The following ADAMTS6 variants were observed in gnomAD, a reference collection of about 807,000 sequenced individuals.
The protein encoded by ADAMTS6 is A disintegrin and metalloproteinase with thrombospondin motifs 6.
In ADAMTS6, 23 loss-of-function variants were observed where a neutral mutation model predicts 144.3. That is an observed-to-expected ratio of 0.16 (90% CI 0.11 to 0.23). ADAMTS6 has a LOEUF of 0.23. Among genes scored for constraint, ADAMTS6 ranks in the 10% least tolerant of loss-of-function variants. The probability of loss-of-function intolerance (pLI) is 1.00; values close to 1 mark genes in which losing one functional copy is unlikely to be tolerated. For missense variants in ADAMTS6, 999 were observed against 1,379.6 expected (o/e 0.72, Z 4.37); for synonymous variants, 444 against 457.5 (o/e 0.97, Z 0.38).
At chr5:65,161,137 C>G (rs1752747124) in intron 24 of ADAMTS6, among the ~76,000 whole-genome samples, 1 of 152,094 alleles carries the variant, frequency 6.6e-6, no homozygotes, top group African/African-American at 2.4e-5. Flanking sequence ...CTCCCAAACT[C>G]AAGTGATCCT....
intron 7 of ADAMTS6, among the ~76,000 whole-genome samples, chr5:65,450,625 A>C (rs1737346780): frequency 6.6e-6 from 1 of 152,180 alleles, no homozygotes; most frequent in African/African-American, 2.4e-5. Flanking sequence ...ACTTATCTTA[A>C]AATAATTTAA....
At chr5:65,406,868 C>T (rs1317093684) in intron 7 of ADAMTS6, among the ~76,000 whole-genome samples, 3 of 151,746 alleles carry the variant, frequency 2.0e-5, no homozygotes, top group Non-Finnish European at 2.9e-5. Flanking sequence ...TGAATTTTGT[C>T]GAAGATCTTT....
At chr5:65,477,394 T>C (rs921724226) in intron 1 of ADAMTS6, among the ~76,000 whole-genome samples, 8 of 152,220 alleles carry the variant, frequency 5.3e-5, no homozygotes, top group African/African-American at 1.9e-4. Flanking sequence ...TTTTCTAGGT[T>C]TTGAAACTAC....
At chr5:65,210,625 G>A in intron 20 of ADAMTS6, 1 of 605,770 alleles carries the variant, frequency 1.7e-6, no homozygotes, top group Non-Finnish European at 3.0e-6. Flanking sequence ...AGCTATGGAT[G>A]GAGGCTTGTC....
At chr5:65,439,229 T>A (rs187625248) in intron 7 of ADAMTS6, among the ~76,000 whole-genome samples, 2,469 of 151,858 alleles carry the variant, frequency 0.016, 53 homozygotes, top group South Asian at 0.044. Flanking sequence ...ATAACGAGAG[T>A]TAGAATATCA....
At chr5:65,280,568 C>A (rs1762911515) in intron 11 of ADAMTS6, among the ~76,000 whole-genome samples, 2 of 152,226 alleles carry the variant, frequency 1.3e-5, no homozygotes, top group African/African-American at 4.8e-5. Flanking sequence ...CATTAATATA[C>A]TAGGAAACAT....
At position 65,460,180 on chromosome 5, in the gene ADAMTS6, A is replaced by G. The variant is rs371614740; in HGVS notation, c.621T>C (p.Cys207=). 1.3e-5 allele frequency: 21 copies of G among 1,613,820 alleles called. No homozygotes were observed. Among genetic ancestry groups the G allele is most frequent in the Non-Finnish European group, 4.2e-6 (5 of 1,179,942 alleles). ...QQRHLYDHSH[C]GVSDFTRSGK... ...TGCACACTCACTCACCCGAAACCCCACAATGAGAGTGATCATACAGATGTC... is the reference window on the plus strand; with the variant it reads ...TGCACACTCACTCACCCGAAACCCCGCAATGAGAGTGATCATACAGATGTC... Residue 207 remains cysteine, a synonymous_variant, in exon 4 of 25, where the codon TGT becomes TGC. Transcript: ENST00000381055.
At chr5:65,336,193 G>A (rs1033445977) in intron 7 of ADAMTS6, among the ~76,000 whole-genome samples, 1 of 152,036 alleles carries the variant, frequency 6.6e-6, no homozygotes, top group Non-Finnish European at 1.5e-5. Context: ...AATCTGGAAG[G>A]ATAACAGTGG....
chr5:65,455,870 T>C (rs866491587), intron 4 of ADAMTS6, among the ~76,000 whole-genome samples: 1 of 151,984 alleles, frequency 6.6e-6, no homozygotes, highest in African/African-American at 2.4e-5. Context: ...ATCATCATCT[T>C]TGTTATTGTC....
chr5:65,447,714 A>C lies in ADAMTS6; in HGVS notation c.1073+3761T>G, dbSNP rs138859023. ...TTAGGTGAATATTAATAATCATCAA[A>C]TAATTCTAACATATCTTAGTCTATG... On this transcript the variant is annotated intron_variant, in intron 7 of 24. Transcript: ENST00000381055. Among the ~76,000 whole-genome samples, 45 of 152,078 alleles carry C rather than the reference A, an allele frequency of 3.0e-4. No homozygotes were observed. In the East Asian group the frequency reaches 7.9e-3, roughly 27 times the overall value.
At chr5:65,393,149 G>A (rs1753061809) in intron 7 of ADAMTS6, among the ~76,000 whole-genome samples, 1 of 152,064 alleles carries the variant, frequency 6.6e-6, no homozygotes, top group Non-Finnish European at 1.5e-5. Context: ...GAACACAAAG[G>A]TAGGAAGCTA....
At chr5:65,331,377 G>A (rs1049350997) in intron 8 of ADAMTS6, among the ~76,000 whole-genome samples, 2 of 152,018 alleles carry the variant, frequency 1.3e-5, no homozygotes. Context: ...TCCTCAAGGT[G>A]TATTTACAAG....
chr5:65,385,741 T>C (rs952564714), intron 7 of ADAMTS6, among the ~76,000 whole-genome samples: 1 of 152,168 alleles, frequency 6.6e-6, no homozygotes, highest in African/African-American at 2.4e-5. Context: ...TTATCTCAGA[T>C]TACAGAGTAT....
intron 22 of ADAMTS6, among the ~76,000 whole-genome samples, chr5:65,173,265 A>G (rs1236457664): frequency 6.6e-6 from 1 of 152,188 alleles, no homozygotes; most frequent in African/African-American, 2.4e-5. Context: ...TATTGGGGAT[A>G]GGTTGATTCC....
In ADAMTS6 at chr5:65,150,145, T is replaced by A. The variant is rs1001026451; in HGVS notation, c.*1691A>T. On this transcript the variant is annotated 3_prime_UTR_variant, in exon 25 of 25. Transcript: ENST00000381055. ...ATGATATATGTGATGCACTGACATG[T>A]AATTTAAGAGCACCATGATGGAATC... The A allele has an allele frequency of 6.6e-6, 1 of 152,406 alleles. No homozygotes were observed. The highest frequency in any genetic ancestry group is 2.4e-5 in the African/African-American group (1 of 41,436). The allele number at this position is 152,406 out of a possible 1,614,324, so 9.4% of individuals were successfully genotyped here. A position where few individuals can be genotyped will look rare whatever the true frequency, so the allele number is the denominator to read the frequency against.
chr5:65,191,214 C>G (rs1241177705), intron 21 of ADAMTS6, among the ~76,000 whole-genome samples: 1 of 152,026 alleles, frequency 6.6e-6, no homozygotes, highest in Non-Finnish European at 1.5e-5. Flanking sequence ...GATTCATGTT[C>G]GAGTGTCTGA....
Position 65,215,525 on chromosome 5 carries a change from T to A in ADAMTS6, c.2273-38A>T, listed in dbSNP as rs749553336. 1.9e-6 allele frequency: 3 copies of A among 1,568,976 alleles called. No individual in the cohort carries two copies. In the East Asian group the frequency reaches 6.7e-5, roughly 35 times the overall value. Reference sequence around the variant, plus strand: ...TCACAATTCACCTAAAAATGTGAAATTTCATTTACCAAAGTGTCACTGATT... The same window carrying A: ...TCACAATTCACCTAAAAATGTGAAAATTCATTTACCAAAGTGTCACTGATT... On this transcript the variant is annotated intron_variant, in intron 18 of 24. Coordinates refer to ENST00000381055, the MANE Select transcript of ADAMTS6 (RefSeq NM_197941.4).
chr5:65,192,402 T>C (rs1755071307), intron 21 of ADAMTS6, among the ~76,000 whole-genome samples: 1 of 152,044 alleles, frequency 6.6e-6, no homozygotes, highest in Admixed American at 6.6e-5. Context: ...ACAATATTAT[T>C]AAAATGAATA....
chr5:65,198,398 T>C (rs1755525169), intron 20 of ADAMTS6: 1 of 165,984 alleles, frequency 6.0e-6, no homozygotes, highest in African/African-American at 2.4e-5. Context: ...GGGAAATATA[T>C]GTGAAACAGG....
Sources: gnomAD v4.1 joint callset for allele counts (sites outside exome capture counted in the v4.1 genomes callset) on GRCh38, gnomAD v4.1.1 for gene constraint, MANE v1.5 for transcripts, NCBI Gene and HGNC (gene_info 2026-07-23, HGNC 2026-07-21) for gene names.